Variants in CEP85L observed in about 807,000 individuals in gnomAD.
The protein encoded by CEP85L is centrosomal protein 85L, also known as centrosomal protein of 85 kDa-like.
CEP85L carries 60 observed loss-of-function variants against 100.3 expected under a neutral mutation model. The ratio of observed to expected loss-of-function variants is 0.60; its 90% CI spans 0.49 to 0.74. CEP85L has a LOEUF of 0.74. Among genes scored for constraint, CEP85L ranks in the 30% least tolerant of loss-of-function variants. The pLI, the probability that CEP85L is intolerant of heterozygous loss-of-function variation, is 0.00. For synonymous variants in CEP85L, 319 were observed against 322.7 expected (o/e 0.99, Z 0.12); for missense variants, 973 against 936.2 (o/e 1.04, Z -0.51).
In CEP85L at chr6:118,519,474, GGCGGGGGGGGGT is replaced by G. The variant is rs1562222952; in HGVS notation, c.1139+4316_1139+4327del. Among the ~76,000 whole-genome samples, 101 of 43,186 alleles carry G rather than the reference GGCGGGGGGGGGT, an allele frequency of 2.3e-3. 1 individual carries two copies. The highest frequency in any genetic ancestry group is 2.8e-3 in the Non-Finnish European group (52 of 18,802). The allele number at this position is 43,186 out of a possible 152,430, so 28.3% of individuals were successfully genotyped here. ...TGTGTGTGTGTGTGTGTGTGTGTGT[GGCGGGGGGGGGT>G]TGTGAAACTCCGTGTGCGTGTGTGT... On this transcript the variant is annotated intron_variant, in intron 4 of 12. Coordinates refer to ENST00000368491, the MANE Select transcript of CEP85L (RefSeq NM_001042475.3).
At chr6:118,538,151 C>T (rs1020756526) in intron 3 of CEP85L, 1 of 176,854 alleles carries the variant, frequency 5.7e-6, no homozygotes, top group Non-Finnish European at 1.1e-5. Flanking sequence ...ATTTCTCTAA[C>T]AACAACAAAA....
At chr6:118,524,771 A>C (rs997546804) in intron 3 of CEP85L, among the ~76,000 whole-genome samples, 4 of 152,214 alleles carry the variant, frequency 2.6e-5, no homozygotes, top group African/African-American at 9.6e-5. Flanking sequence ...TCTCTGACCC[A>C]CTCCACAAGT....
chr6:118,652,576 T>G (rs1223720236), upstream of CEP85L: 3 of 1,458,872 alleles, frequency 2.1e-6, no homozygotes, highest in Non-Finnish European at 2.7e-6. Context: ...GCTTTTCCTG[T>G]TCTGGAATCT....
chr6:118,564,150 T>G (rs906580303), intron 3 of CEP85L, among the ~76,000 whole-genome samples: 1 of 151,658 alleles, frequency 6.6e-6, no homozygotes, highest in African/African-American at 2.4e-5. Flanking sequence ...GCTTTGAGGC[T>G]AAGAAAAACA....
At chr6:118,539,833 C>A (rs141532753) in intron 3 of CEP85L, among the ~76,000 whole-genome samples, 2 of 152,256 alleles carry the variant, frequency 1.3e-5, no homozygotes, top group East Asian at 3.9e-4. Context: ...TGGGATTTAT[C>A]TGACTTTTCC....
intron 2 of CEP85L, among the ~76,000 whole-genome samples, chr6:118,574,422 G>A (rs1005772068): frequency 6.6e-6 from 1 of 152,192 alleles, no homozygotes; most frequent in Non-Finnish European, 1.5e-5. Flanking sequence ...ACTGACGCAG[G>A]CACCACCCTT....
intron 1 of CEP85L, among the ~76,000 whole-genome samples, chr6:118,634,606 C>G (rs1333725924): frequency 2.0e-5 from 3 of 152,308 alleles, no homozygotes; most frequent in East Asian, 3.9e-4. Context: ...TTCTAGACTT[C>G]TCTCAGAATG....
At chr6:118,564,068 C>T (rs906475755) in intron 3 of CEP85L, among the ~76,000 whole-genome samples, 3 of 152,146 alleles carry the variant, frequency 2.0e-5, no homozygotes, top group Non-Finnish European at 4.4e-5. Flanking sequence ...CTCTACTATG[C>T]ACTAGAAAGA....
chr6:118,692,352 A>G (rs1777071675), intron 1 of CEP85L, among the ~76,000 whole-genome samples: 1 of 152,174 alleles, frequency 6.6e-6, no homozygotes, highest in African/African-American at 2.4e-5. Context: ...ACTAAATGGT[A>G]TGCAAGGAAG....
In CEP85L at chr6:118,698,538, G is replaced by GAA. The variant is rs5879467; in HGVS notation, c.-28+11496_-28+11497dup. Reference sequence around the variant, plus strand: ...TGTGCTTTCTGTGTTTGCTGAAGCAGAAAAAAAAAAAAAGGATTGTCCAGA... The same window carrying GAA: ...TGTGCTTTCTGTGTTTGCTGAAGCAGAAAAAAAAAAAAAAAGGATTGTCCAGA... On this transcript the variant is annotated intron_variant, in intron 1 of 13. Transcript: ENST00000368488. 4.6e-3 allele frequency among the ~76,000 whole-genome samples: 659 copies of GAA among 142,502 alleles called. 2 individuals are homozygous for GAA. Among genetic ancestry groups the GAA allele is most frequent in the South Asian group, 0.023 (103 of 4,522 alleles). The allele number at this position is 142,502 out of a possible 152,430, so 93.5% of individuals were successfully genotyped here.
intron 12 of CEP85L, among the ~76,000 whole-genome samples, chr6:118,467,006 G>A (rs183578630): frequency 6.6e-6 from 1 of 152,060 alleles, no homozygotes; most frequent in Non-Finnish European, 1.5e-5. Context: ...CCAGATGAAG[G>A]AAAAAGCAGA....
intron 1 of CEP85L, among the ~76,000 whole-genome samples, chr6:118,635,255 TAAGTGCTAAA>T (rs1774421132): frequency 6.6e-6 from 1 of 152,210 alleles, no homozygotes; most frequent in African/African-American, 2.4e-5. Context: ...TGATAATGTT[TAAGTGCTAAA>T]AATGATTTTA....
intron 2 of CEP85L, among the ~76,000 whole-genome samples, chr6:118,584,942 A>C (rs778037209): frequency 2.0e-5 from 3 of 152,224 alleles, no homozygotes; most frequent in Admixed American, 6.5e-5. Context: ...CACCAGGAGG[A>C]AACTGGGGAA....
In CEP85L at chr6:118,465,588, A is replaced by G. The variant is rs1772454591; in HGVS notation, c.2255-20T>C. 2 of 1,597,766 alleles carry G rather than the reference A, an allele frequency of 1.3e-6. No homozygotes were observed. Among genetic ancestry groups the G allele is most frequent in the South Asian group, 2.3e-5 (2 of 88,212 alleles). ...TCATTGCTGTGTAAATAAAACATAG[A>G]GAGAATATCTCACATTTTTTTGAAC... is the stretch of plus-strand genomic sequence containing the variant. On this transcript the variant is annotated intron_variant, in intron 12 of 12. Transcript: ENST00000368491.
chr6:118,600,727 T>C (rs1300187904), intron 2 of CEP85L, among the ~76,000 whole-genome samples: 1 of 151,872 alleles, frequency 6.6e-6, no homozygotes, highest in Non-Finnish European at 1.5e-5. Flanking sequence ...GCTAACAAAC[T>C]TTCTTACATA....
chr6:118,599,961 G>GGT (rs1438389444), intron 2 of CEP85L, among the ~76,000 whole-genome samples: 1 of 151,986 alleles, frequency 6.6e-6, no homozygotes, highest in African/African-American at 2.4e-5. Flanking sequence ...AATGTAATGT[G>GGT]GTGTCCTGGA....
intron 5 of CEP85L, among the ~76,000 whole-genome samples, chr6:118,508,334 T>C (rs1323972505): frequency 6.6e-6 from 1 of 152,234 alleles, no homozygotes; most frequent in East Asian, 1.9e-4. Flanking sequence ...TAACTATTAT[T>C]TGGTTGATCT....
chr6:118,625,674 C>T lies in CEP85L; in HGVS notation c.232+6779G>A, dbSNP rs183354447. Among the ~76,000 whole-genome samples, 113 of 152,094 alleles carry T rather than the reference C, an allele frequency of 7.4e-4. 1 individual carries two copies. The highest frequency in any genetic ancestry group is 1.5e-3 in the Non-Finnish European group (99 of 67,996). Reference sequence around the variant, plus strand: ...TTGTCAACCAGTCAGGAATTATTGCCGAAAAAGTCCAGGAGCTAAGGGAAT... The same window carrying T: ...TTGTCAACCAGTCAGGAATTATTGCTGAAAAAGTCCAGGAGCTAAGGGAAT... On this transcript the variant is annotated intron_variant, in intron 2 of 12. Transcript: ENST00000368491.
chr6:118,466,777 G>A (rs925831153), intron 12 of CEP85L, among the ~76,000 whole-genome samples: 4 of 152,102 alleles, frequency 2.6e-5, no homozygotes, highest in Non-Finnish European at 4.4e-5. Flanking sequence ...AGTTTAGACA[G>A]ATCTGTCTGG....
Sources: allele counts gnomAD v4.1 joint callset (sites outside exome capture counted in the v4.1 genomes callset), GRCh38; gene constraint gnomAD v4.1.1; transcripts MANE v1.5; gene names NCBI Gene and HGNC (gene_info 2026-07-23, HGNC 2026-07-21).